FOXP1: variants seen among roughly 807,000 people sequenced by gnomAD.
The protein encoded by FOXP1 is forkhead box P1.
Under a neutral mutation model 98.2 loss-of-function variants are expected in FOXP1, and 15 were observed. The ratio of observed to expected loss-of-function variants is 0.15; its 90% CI spans 0.10 to 0.24. FOXP1 has a LOEUF of 0.24. Among genes scored for constraint, FOXP1 ranks in the 10% least tolerant of loss-of-function variants. The probability of loss-of-function intolerance (pLI) is 1.00; values close to 1 mark genes in which losing one functional copy is unlikely to be tolerated. For synonymous variants in FOXP1, 371 were observed against 314.5 expected (o/e 1.18, Z -1.90); for missense variants, 633 against 848.5 (o/e 0.75, Z 3.15).
chr3:71,543,544 C>G (rs1211883189), intron 2 of FOXP1: 2 of 152,434 alleles, frequency 1.3e-5, no homozygotes, highest in African/African-American at 4.8e-5. Flanking sequence ...TGAGCCCCAG[C>G]ACCAAGCTGT....
At chr3:71,480,932 A>T (rs2090224351) in intron 3 of FOXP1, among the ~76,000 whole-genome samples, 1 of 152,190 alleles carries the variant, frequency 6.6e-6, no homozygotes, top group Non-Finnish European at 1.5e-5. Context: ...ATGTAGTGGT[A>T]ATTAGGCCTC....
chr3:71,143,951 C>G (rs568815375), intron 6 of FOXP1, among the ~76,000 whole-genome samples: 1 of 151,990 alleles, frequency 6.6e-6, no homozygotes, highest in Non-Finnish European at 1.5e-5. Context: ...TGACTTTTCA[C>G]GTCGCACTAT....
chr3:71,576,589 G>A (rs1239118872), intron 2 of FOXP1, among the ~76,000 whole-genome samples: 3 of 152,082 alleles, frequency 2.0e-5, no homozygotes, highest in Admixed American at 6.5e-5. Context: ...TTTTGTTTAC[G>A]ATTTAGTTAC....
chr3:71,541,365 T>G (rs2044797867), intron 2 of FOXP1, among the ~76,000 whole-genome samples: 1 of 152,212 alleles, frequency 6.6e-6, no homozygotes, highest in Non-Finnish European at 1.5e-5. Flanking sequence ...AGAGATTTAC[T>G]CTGATAAAGT....
intron 5 of FOXP1, among the ~76,000 whole-genome samples, chr3:71,204,474 A>C (rs1259412471): frequency 6.6e-6 from 1 of 152,170 alleles, no homozygotes; most frequent in Non-Finnish European, 1.5e-5. Context: ...CAGAGAGGGA[A>C]TCAAGCAATG....
At chr3:71,471,574 T>C (rs568507227) in intron 3 of FOXP1, among the ~76,000 whole-genome samples, 55 of 152,232 alleles carry the variant, frequency 3.6e-4, no homozygotes, top group African/African-American at 1.3e-3. Flanking sequence ...TAGGCAAAAC[T>C]ATAACAATGT....
chr3:71,542,891 T>C (rs1483757402), intron 2 of FOXP1, among the ~76,000 whole-genome samples: 1 of 151,550 alleles, frequency 6.6e-6, no homozygotes, highest in Non-Finnish European at 1.5e-5. Context: ...GAGGCAAGAG[T>C]GGAGGGGAGC....
At chr3:71,430,525 C>A (rs1357255281) in intron 3 of FOXP1, among the ~76,000 whole-genome samples, 1 of 150,760 alleles carries the variant, frequency 6.6e-6, no homozygotes, top group African/African-American at 2.4e-5. Context: ...AAAAAAAAAA[C>A]AGGAGTCATC....
At chr3:71,198,008 A>C in intron 6 of FOXP1, 194 bp downstream of exon 6, 2 of 1,614,244 alleles carry the variant, frequency 1.2e-6, no homozygotes, top group East Asian at 4.5e-5. Flanking sequence ...CAAGGGCTTG[A>C]AATTAGTCTC....
chr3:71,504,787 C>A (rs770045617), intron 2 of FOXP1, among the ~76,000 whole-genome samples: 1 of 152,148 alleles, frequency 6.6e-6, no homozygotes, highest in Non-Finnish European at 1.5e-5. Context: ...GAAAGGAACA[C>A]GCTGGTCCTT....
chr3:71,102,928 T>C (rs2057095883), intron 7 of FOXP1, among the ~76,000 whole-genome samples: 1 of 152,142 alleles, frequency 6.6e-6, no homozygotes, highest in Admixed American at 6.5e-5. Flanking sequence ...TCCACTTTCC[T>C]CCCCTGTAAA....
chr3:70,978,655 C>A (rs2038117247), intron 14 of FOXP1, among the ~76,000 whole-genome samples: 2 of 152,324 alleles, frequency 1.3e-5, no homozygotes, highest in South Asian at 4.1e-4. Context: ...GACGAGAACT[C>A]CTGCAAATAT....
At chr3:71,180,429 T>G (rs1260530174) in intron 6 of FOXP1, among the ~76,000 whole-genome samples, 1 of 151,890 alleles carries the variant, frequency 6.6e-6, no homozygotes, top group Non-Finnish European at 1.5e-5. Context: ...TTGCCACGTG[T>G]AAAATCGTAG....
intron 17 of FOXP1, among the ~76,000 whole-genome samples, chr3:70,975,071 C>T (rs138686763): frequency 3.9e-5 from 6 of 152,234 alleles, no homozygotes; most frequent in Admixed American, 6.5e-5. Context: ...GAAAATTATA[C>T]GTATTTATGA....
intron 2 of FOXP1, among the ~76,000 whole-genome samples, chr3:71,566,032 A>T (rs1412008750): frequency 6.6e-6 from 1 of 152,122 alleles, no homozygotes; most frequent in Non-Finnish European, 1.5e-5. Context: ...CCAATTCTCC[A>T]CTCTATTGTG....
chr3:71,061,464 A>C (rs531935998), intron 7 of FOXP1, among the ~76,000 whole-genome samples: 51 of 152,264 alleles, frequency 3.3e-4, no homozygotes, highest in Admixed American at 9.1e-4. Context: ...TAAATCAAAA[A>C]CTGCAGCAGT....
intron 2 of FOXP1, among the ~76,000 whole-genome samples, chr3:71,498,603 A>C (rs2041086573): frequency 6.6e-6 from 1 of 152,190 alleles, no homozygotes; most frequent in Non-Finnish European, 1.5e-5. Flanking sequence ...AAGAGGATTG[A>C]GGAACTGCAG....
intron 7 of FOXP1, among the ~76,000 whole-genome samples, chr3:71,111,705 T>G (rs374640610): frequency 6.6e-6 from 1 of 152,248 alleles, no homozygotes; most frequent in South Asian, 2.1e-4. Flanking sequence ...GGCCCCAAAT[T>G]AGATTTTTAT....
chr3:71,454,289 T>C (rs1172117732), intron 3 of FOXP1, among the ~76,000 whole-genome samples: 2 of 152,178 alleles, frequency 1.3e-5, no homozygotes, highest in Non-Finnish European at 2.9e-5. Context: ...GGGGCTAATC[T>C]AGAATCACTG....
Sources: allele counts gnomAD v4.1 joint callset (sites outside exome capture counted in the v4.1 genomes callset), GRCh38; gene constraint gnomAD v4.1.1; transcripts MANE v1.5; gene names NCBI Gene and HGNC (gene_info 2026-07-23, HGNC 2026-07-21).